The following PTCD3 variants were observed in gnomAD, a reference collection of about 807,000 sequenced individuals.
The protein encoded by PTCD3 is small ribosomal subunit protein mS39.
A neutral mutation model predicts 101.9 loss-of-function variants in PTCD3; 89 were observed. The observed-to-expected ratio is 0.87, with a 90% CI of 0.74 to 1.04. PTCD3 has a LOEUF of 1.04. Among genes scored for constraint, PTCD3 ranks in the 50% least tolerant of loss-of-function variants. PTCD3 has a pLI of 0.00. For synonymous variants in PTCD3, 296 were observed against 278.5 expected (o/e 1.06, Z -0.63); for missense variants, 870 against 828.2 (o/e 1.05, Z -0.62).
At chr2:86,126,028 G>A (rs961713383) in intron 12 of PTCD3, 148 bp downstream of exon 12, 2 of 507,430 alleles carry the variant, frequency 3.9e-6, no homozygotes, top group Non-Finnish European at 7.3e-6. Context: ...CCAGGAGTTG[G>A]AGACCAGCCT....
intron 19 of PTCD3, 85 bp downstream of exon 19, chr2:86,133,521 G>T: frequency 7.7e-7 from 1 of 1,291,662 alleles, no homozygotes. Context: ...TTACTGTTAG[G>T]GATGAAAACT....
intron 3 of PTCD3, among the ~76,000 whole-genome samples, chr2:86,109,910 C>T (rs1019043214): frequency 3.9e-5 from 6 of 152,082 alleles, no homozygotes; most frequent in Non-Finnish European, 8.8e-5. Context: ...AGTGTGTATA[C>T]GTTTTTTAGG....
Position 86,140,770 on chromosome 2 carries a change from A to G in PTCD3, c.*3211A>G, listed in dbSNP as rs1193257349. ...GAACAAGTCTTCATCCTGGCCCAGGAAATAGCCTATTAAAAAATGCTGTCC... is the reference window on the plus strand; with the variant it reads ...GAACAAGTCTTCATCCTGGCCCAGGGAATAGCCTATTAAAAAATGCTGTCC... On this transcript the variant is annotated 3_prime_UTR_variant, in exon 24 of 24. Transcript: ENST00000254630. 2 of 152,078 alleles carry G rather than the reference A, an allele frequency of 1.3e-5. No homozygotes were observed. The highest frequency in any genetic ancestry group is 4.8e-5 in the African/African-American group (2 of 41,396). The allele number at this position is 152,078 out of a possible 1,614,324, so 9.4% of individuals were successfully genotyped here.
chr2:86,125,646 A>T lies in PTCD3; in HGVS notation c.865+131A>T, dbSNP rs1054383468. On this transcript the variant is annotated intron_variant, in intron 11 of 23. Coordinates refer to ENST00000254630, the MANE Select transcript of PTCD3 (RefSeq NM_017952.6). ...TCCTGAGGCGTAGATGATTGAAGCA[A>T]GAGTAGAGATCCAGAGAGGAGAGTA... 52 of 1,128,720 alleles carry T rather than the reference A, an allele frequency of 4.6e-5. 1 individual carries two copies. In the Admixed American group the frequency reaches 1.1e-3, roughly 23 times the overall value. 69.9% of individuals were successfully genotyped at this position (1,128,720 alleles called of 1,614,324 possible).
intron 3 of PTCD3, among the ~76,000 whole-genome samples, chr2:86,109,783 T>C (rs1674040417): frequency 6.6e-6 from 1 of 152,202 alleles, no homozygotes; most frequent in Admixed American, 6.5e-5. Flanking sequence ...GAAAAGTGAA[T>C]GGATAATTTT....
chr2:86,130,200 T>C (rs903874300), intron 14 of PTCD3, among the ~76,000 whole-genome samples: 3 of 151,950 alleles, frequency 2.0e-5, no homozygotes, highest in African/African-American at 7.3e-5. Flanking sequence ...CTCGGAAGGC[T>C]GAGGCAGGAG....
intron 21 of PTCD3, chr2:86,135,331 G>A (rs968193166): frequency 2.2e-5 from 4 of 180,774 alleles, no homozygotes; most frequent in African/African-American, 9.5e-5. Context: ...GGTCATTTGG[G>A]TTATTGAAGT....
chr2:86,132,308 A>G lies in PTCD3; in HGVS notation c.1267-10A>G, dbSNP rs902012826. On this transcript the variant is annotated splice_polypyrimidine_tract_variant and intron_variant, in intron 16 of 23. Coordinates refer to ENST00000254630, the MANE Select transcript of PTCD3 (RefSeq NM_017952.6). ...TATCAGAGTGATACTTACTACTTGC[A>G]TATTTTCAGTGCTCATCTCTCAGAG... The G allele has an allele frequency of 1.3e-5, 20 of 1,536,930 alleles. No homozygotes were observed. Among genetic ancestry groups the G allele is most frequent in the African/African-American group, 6.8e-5 (5 of 73,164 alleles).
chr2:86,119,216 C>T, intron 7 of PTCD3, 172 bp downstream of exon 7: 1 of 861,670 alleles, frequency 1.2e-6, no homozygotes, highest in Non-Finnish European at 1.7e-6. Context: ...TTTAGTGTTA[C>T]TTAAGAATTA....
chr2:86,136,566 A>G lies in PTCD3; in HGVS notation c.1820+4A>G. 1 of 1,611,370 alleles carries G rather than the reference A, an allele frequency of 6.2e-7. No individual in the cohort carries two copies. Among genetic ancestry groups the G allele is most frequent in the Non-Finnish European group, 8.5e-7 (1 of 1,177,458 alleles). Reference sequence around the variant, plus strand: ...GGAAGCATAATAAGATTCCTAGGTAAGTTGAAATCAGCCAGCTCTCTTTGG... The same window carrying G: ...GGAAGCATAATAAGATTCCTAGGTAGGTTGAAATCAGCCAGCTCTCTTTGG... On this transcript the variant is annotated splice_donor_region_variant and intron_variant, in intron 22 of 23. Transcript: ENST00000254630.
At chr2:86,135,987 G>T (rs751067038) in intron 21 of PTCD3, 1 of 519,204 alleles carries the variant, frequency 1.9e-6, no homozygotes, top group South Asian at 1.4e-5. Context: ...ACATGAGACT[G>T]TTGCCTCAAT....
chr2:86,141,407 G>A lies in PTCD3; in HGVS notation c.*3848G>A, dbSNP rs1021633253. 1 of 152,234 alleles carries A rather than the reference G, an allele frequency of 6.6e-6. No homozygotes were observed. The highest frequency in any genetic ancestry group is 6.5e-5 in the Admixed American group (1 of 15,268). 9.4% of individuals were successfully genotyped at this position (152,234 alleles called of 1,614,324 possible). A position where few individuals can be genotyped will look rare whatever the true frequency, so the allele number is the denominator to read the frequency against. ...ATACGCCTTTTTATTTCCCTTCTGTGTTAAATCAAATGATCTGTTCTGCAC... is the reference window on the plus strand; with the variant it reads ...ATACGCCTTTTTATTTCCCTTCTGTATTAAATCAAATGATCTGTTCTGCAC... On this transcript the variant is annotated 3_prime_UTR_variant, in exon 24 of 24. Transcript: ENST00000254630.
At chr2:86,132,517 C>A in intron 17 of PTCD3, 93 bp downstream of exon 17, 2 of 818,320 alleles carry the variant, frequency 2.4e-6, no homozygotes, top group Admixed American at 2.3e-5. Context: ...CCTCTGGTTT[C>A]AGGCAACATG....
At chr2:86,129,314 G>T (rs1261686516) in intron 14 of PTCD3, among the ~76,000 whole-genome samples, 7 of 152,174 alleles carry the variant, frequency 4.6e-5, no homozygotes, top group African/African-American at 1.7e-4. Flanking sequence ...TGGGGGATGG[G>T]GGTTCTGGGG....
intron 4 of PTCD3, among the ~76,000 whole-genome samples, 153 bp downstream of exon 4, chr2:86,111,311 G>A (rs531944996): frequency 3.3e-5 from 5 of 152,212 alleles, no homozygotes; most frequent in South Asian, 2.1e-4. Flanking sequence ...TGTCTAGGCC[G>A]GGCGCGGTGG....
Position 86,124,902 on chromosome 2 carries a change from A to G in PTCD3, c.717-93A>G, listed in dbSNP as rs370167296. 3.8e-5 allele frequency: 56 copies of G among 1,488,266 alleles called. No homozygotes were observed. In the African/African-American group the frequency reaches 6.2e-4, roughly 16 times the overall value. 92.2% of individuals were successfully genotyped at this position (1,488,266 alleles called of 1,614,324 possible). On this transcript the variant is annotated intron_variant, in intron 9 of 23. Coordinates refer to ENST00000254630, the MANE Select transcript of PTCD3 (RefSeq NM_017952.6). ...ATAATGTATAGAAAGTACTTGGCACATTGCCTAGAACATAATAAACCGTCA... is the reference window on the plus strand; with the variant it reads ...ATAATGTATAGAAAGTACTTGGCACGTTGCCTAGAACATAATAAACCGTCA...
Position 86,133,858 on chromosome 2 carries a change from C to T in PTCD3, c.1543+422C>T, listed in dbSNP as rs563674800. Among the ~76,000 whole-genome samples the T allele has an allele frequency of 6.6e-5, 10 of 152,290 alleles. No homozygotes were observed. The East Asian group carries it at 1.2e-3, about 18-fold the overall frequency. Reference sequence around the variant, plus strand: ...TAATAGCCATGAGCATCACGCATCACGGGTGTGTGTGTCTTATGTGTATAA... The same window carrying T: ...TAATAGCCATGAGCATCACGCATCATGGGTGTGTGTGTCTTATGTGTATAA... On this transcript the variant is annotated intron_variant, in intron 19 of 23. Transcript: ENST00000254630.
intron 4 of PTCD3, among the ~76,000 whole-genome samples, chr2:86,115,814 G>A (rs985933316): frequency 6.6e-6 from 1 of 152,158 alleles, no homozygotes; most frequent in Non-Finnish European, 1.5e-5. Flanking sequence ...CGTGGGAGAA[G>A]GTTCTGTTGT....
chr2:86,132,602 C>G, intron 17 of PTCD3, 178 bp downstream of exon 17: 1 of 410,968 alleles, frequency 2.4e-6, no homozygotes, highest in South Asian at 4.3e-5. Context: ...ATTTGAAAGA[C>G]TAGTTTGTGT....
Sources: gnomAD v4.1 joint callset for allele counts (sites outside exome capture counted in the v4.1 genomes callset) on GRCh38, gnomAD v4.1.1 for gene constraint, MANE v1.5 for transcripts, NCBI Gene and HGNC (gene_info 2026-07-23, HGNC 2026-07-21) for gene names.